Variants in RET observed in about 807,000 individuals in gnomAD.
RET encodes the protein proto-oncogene tyrosine-protein kinase receptor Ret.
RET carries 19 observed loss-of-function variants against 118.3 expected under a neutral mutation model. The observed-to-expected ratio is 0.16, with a 90% confidence interval of 0.11 to 0.24. RET has a LOEUF of 0.24. Among genes scored for constraint, RET ranks in the 10% least tolerant of loss-of-function variants. The probability of loss-of-function intolerance (pLI) is 1.00; values close to 1 mark genes in which losing one functional copy is unlikely to be tolerated. For missense variants in RET, 1,219 were observed against 1,502.1 expected (o/e 0.81, Z 3.12); for synonymous variants, 597 against 644.1 (o/e 0.93, Z 1.11).
Position 43,126,711 on chromosome 10 carries a change from A to G in RET, c.3176A>G (p.Asn1059Ser), listed in dbSNP as rs772395752. Residue 1059 changes from asparagine to serine, a missense_variant, in exon 19 of 20, where the codon AAC becomes AGC. Physicochemically the swap from Asn to Ser is conservative, Grantham distance 46. Transcript: ENST00000355710. ...GCCCTCCCTTCCACATGGATTGAAA[A>G]CAAACTCTATGGTAGAATTTCCCAT... ...PRALPSTWIE[N>S]KLYGMSDPNW... The G allele has an allele frequency of 2.9e-5, 46 of 1,613,780 alleles. No homozygotes were observed. Among genetic ancestry groups the G allele is most frequent in the Middle Eastern group, 1.6e-4 (1 of 6,084 alleles).
At chr10:43,077,397 G>A in intron 1 of RET, 66 bp downstream of exon 1, 1 of 1,464,322 alleles carries the variant, frequency 6.8e-7, no homozygotes, top group Non-Finnish European at 9.0e-7. Flanking sequence ...CAGCGGAGCG[G>A]GCGCGTTCAG....
rs2132825714 is a variant in RET, at chr10:43,113,538, G to A, written c.1760-18G>A. The A allele has an allele frequency of 1.9e-6, 3 of 1,598,054 alleles. No individual in the cohort carries two copies. The highest frequency in any genetic ancestry group is 2.1e-4 in the Middle Eastern group (1 of 4,874). On this transcript the variant is annotated intron_variant, in intron 9 of 19. Coordinates refer to ENST00000355710, the MANE Select transcript of RET (RefSeq NM_020975.6). ...GTCAGGCGCCCCAGGAGGCTGAGTG[G>A]GCTACGTCTGCCCTCAGGGGGCAGC...
At chr10:43,085,241 G>C (rs577257472) in intron 1 of RET, among the ~76,000 whole-genome samples, 6 of 152,302 alleles carry the variant, frequency 3.9e-5, no homozygotes, top group African/African-American at 1.4e-4. Flanking sequence ...TTCGCAGCTA[G>C]GGACAGAGCC....
chr10:43,079,879 CT>C (rs1347993754), intron 1 of RET, among the ~76,000 whole-genome samples: 3 of 152,182 alleles, frequency 2.0e-5, no homozygotes, highest in Non-Finnish European at 2.9e-5. Context: ...TCCTTCTCCC[CT>C]TTCTCTGGCC....
intron 18 of RET, 105 bp from the exon 19 acceptor site, chr10:43,126,470 T>C (rs1382652520): frequency 2.9e-6 from 3 of 1,022,888 alleles, no homozygotes; most frequent in Non-Finnish European, 4.6e-6. Flanking sequence ...TGGTGCGAGG[T>C]GGAGACACAG....
chr10:43,077,410 G>C, intron 1 of RET, 79 bp downstream of exon 1: 1 of 1,440,216 alleles, frequency 6.9e-7, no homozygotes, highest in South Asian at 1.3e-5. Flanking sequence ...GCGTTCAGAA[G>C]CGCCTTTCTG....
At chr10:43,127,581 C>A in intron 19 of RET, 4 of 642,590 alleles carry the variant, frequency 6.2e-6, no homozygotes, top group Non-Finnish European at 7.8e-6. Flanking sequence ...GAGACGGTTC[C>A]TTTTGCATGC....
At chr10:43,122,292 C>T (rs1312396244) in intron 16 of RET, among the ~76,000 whole-genome samples, 1 of 152,224 alleles carries the variant, frequency 6.6e-6, no homozygotes, top group East Asian at 1.9e-4. Context: ...CTCCCCCACC[C>T]TTGCTAGTCC....
chr10:43,116,806 A>C, intron 12 of RET, 75 bp downstream of exon 12: 4 of 1,551,856 alleles, frequency 2.6e-6, no homozygotes, highest in Admixed American at 1.7e-5. Context: ...CCTCCTGCCC[A>C]GCATGGGACC....
At chr10:43,116,507 G>A in intron 11 of RET, 77 bp from the exon 12 acceptor site, 1 of 1,563,560 alleles carries the variant, frequency 6.4e-7, no homozygotes, top group Middle Eastern at 1.7e-4. Flanking sequence ...CCTCCTTTAA[G>A]GGTCTTGCCT....
chr10:43,100,410 A>G, intron 1 of RET, 49 bp from the exon 2 acceptor site: 1 of 1,564,812 alleles, frequency 6.4e-7, no homozygotes, highest in Non-Finnish European at 8.7e-7. Context: ...TTTGTCCTTG[A>G]AGAAGCCTTA....
intron 1 of RET, among the ~76,000 whole-genome samples, chr10:43,086,350 T>C (rs1408984937): frequency 6.6e-6 from 1 of 152,164 alleles, no homozygotes; most frequent in Non-Finnish European, 1.5e-5. Context: ...GAGAAGGGGC[T>C]GGGGTAGGGC....
intron 8 of RET, 73 bp from the exon 9 acceptor site, chr10:43,112,780 T>C: frequency 8.4e-7 from 1 of 1,193,298 alleles, no homozygotes; most frequent in Non-Finnish European, 1.2e-6. Flanking sequence ...AGGGGCAGGA[T>C]CTGCCTAGGA....
intron 1 of RET, among the ~76,000 whole-genome samples, chr10:43,081,750 G>A (rs375719628): frequency 5.3e-5 from 8 of 152,172 alleles, no homozygotes; most frequent in South Asian, 4.1e-4. Flanking sequence ...AGGGGAGAAG[G>A]CCCCAGGCCC....
intron 1 of RET, among the ~76,000 whole-genome samples, chr10:43,085,071 T>C (rs1382655815): frequency 6.6e-6 from 1 of 152,190 alleles, no homozygotes; most frequent in Non-Finnish European, 1.5e-5. Flanking sequence ...CAGCGGTGGA[T>C]GCACCTAGGC....
rs201620214 is a variant in RET at position 43,120,146 on chromosome 10, G to A, written c.2673G>A (p.Ser891=). 2.4e-4 allele frequency: 385 copies of A among 1,613,928 alleles called. No homozygotes were observed. Among genetic ancestry groups the A allele is most frequent in the Non-Finnish European group, 2.4e-4 (282 of 1,179,998 alleles). The change falls in exon 15 of 20, where the codon TCG becomes TCA. Residue 891 remains serine (S), a synonymous_variant. Transcript: ENST00000355710. The stretch of plus-strand genomic sequence containing the variant: ...CTGAGGGGCGGAAGATGAAGATTTC[G>A]GATTTCGGCTTGTCCCGAGATGTTT... ...LVAEGRKMKI[S]DFGLSRDVYE... is the part of the protein sequence containing the mutation.
At chr10:43,108,788 T>G (rs1376202551) in intron 5 of RET, among the ~76,000 whole-genome samples, 1 of 152,154 alleles carries the variant, frequency 6.6e-6, no homozygotes, top group Non-Finnish European at 1.5e-5. Context: ...TGCGTACACA[T>G]GCACACACAC....
chr10:43,127,324 GTT>G (rs1838358185), intron 19 of RET: 1 of 1,069,650 alleles, frequency 9.3e-7, no homozygotes. Flanking sequence ...CCCCACTGCT[GTT>G]TTCACATCCT....
chr10:43,128,549 T>C lies in RET; in HGVS notation c.*280T>C, dbSNP rs1838383292. On this transcript the variant is annotated 3_prime_UTR_variant, in exon 20 of 20. Transcript: ENST00000355710. ...AGTGCCCAGCAGCACCCAGTGTTGGTCTGTGTCCATCAGTGACCACCAACA... is the reference window on the plus strand; with the variant it reads ...AGTGCCCAGCAGCACCCAGTGTTGGCCTGTGTCCATCAGTGACCACCAACA... The C allele has an allele frequency of 1.9e-6, 1 of 523,294 alleles. No homozygotes were observed. The highest frequency in any genetic ancestry group is 1.9e-5 in the African/African-American group (1 of 52,852). 32.4% of individuals were successfully genotyped at this position (523,294 alleles called of 1,614,324 possible).
Sources: gnomAD v4.1 joint callset for allele counts (sites outside exome capture counted in the v4.1 genomes callset) on GRCh38, gnomAD v4.1.1 for gene constraint, MANE v1.5 for transcripts, NCBI Gene and HGNC (gene_info 2026-07-23, HGNC 2026-07-21) for gene names.